The following GANC variants were observed in gnomAD, a reference collection of about 807,000 sequenced individuals.
GANC encodes the protein neutral alpha-glucosidase C.
GANC carries 117 observed loss-of-function variants against 124.2 expected under a neutral mutation model. The ratio of observed to expected loss-of-function variants is 0.94; its 90% CI spans 0.81 to 1.10. The LOEUF (loss-of-function observed/expected upper bound fraction) is 1.10. Ranked by LOEUF, GANC falls within the 50% of genes least tolerant of loss-of-function variation. The pLI is 0.00. For synonymous variants in GANC, 377 were observed against 376.8 expected (o/e 1.00, Z -0.01); for missense variants, 1,140 against 1,095.0 (o/e 1.04, Z -0.58).
At chr15:42,334,133 C>T (rs2052266651) in intron 15 of GANC, among the ~76,000 whole-genome samples, 1 of 150,662 alleles carries the variant, frequency 6.6e-6, no homozygotes, top group Non-Finnish European at 1.5e-5. Flanking sequence ...AAAAATACAA[C>T]CTAACTTCTG....
At chr15:42,293,528 C>CTTTTTTTTTTTTTTTTTTT (rs1566951280) in intron 5 of GANC, among the ~76,000 whole-genome samples, 12 of 151,922 alleles carry the variant, frequency 7.9e-5, no homozygotes, top group African/African-American at 2.7e-4. Context: ...CAACTCATTT[C>CTTTTTTTTTTTTTTTTTTT]TGTTTTAAAA....
chr15:42,343,827 G>A (rs564028327), intron 19 of GANC, among the ~76,000 whole-genome samples: 1 of 152,274 alleles, frequency 6.6e-6, no homozygotes, highest in African/African-American at 2.4e-5. Flanking sequence ...CAGGAGAAGA[G>A]CTGGAGCAAA....
At chr15:42,306,850 A>G (rs1291369067) in intron 7 of GANC, among the ~76,000 whole-genome samples, 1 of 152,232 alleles carries the variant, frequency 6.6e-6, no homozygotes, top group Non-Finnish European at 1.5e-5. Flanking sequence ...GGTCTCATAC[A>G]GGGTCATGGG....
intron 15 of GANC, among the ~76,000 whole-genome samples, chr15:42,338,061 CT>C (rs1477053358): frequency 1.3e-5 from 2 of 148,712 alleles, no homozygotes; most frequent in African/African-American, 5.0e-5. Flanking sequence ...ATGACTCCAT[CT>C]AAAAAAAAAA....
In GANC at chr15:42,352,399, G is replaced by A. The variant is rs144782599; in HGVS notation, c.*260G>A. The A allele has an allele frequency of 1.4e-4, 165 of 1,215,264 alleles. No individual in the cohort carries two copies. The East Asian group carries it at 4.4e-3, about 32-fold the overall frequency. 75.3% of individuals were successfully genotyped at this position (1,215,264 alleles called of 1,614,324 possible). On this transcript the variant is annotated 3_prime_UTR_variant, in exon 24 of 24. Transcript: ENST00000318010. ...TACATAGCCCTGAGACATTTATAGC[G>A]TTCAGGAGTCTTCTATTGCTTCCAT...
In GANC at chr15:42,292,834, G is replaced by C. The variant is rs970823367; in HGVS notation, c.429G>C (p.Leu143Phe). The change falls in exon 5 of 24, where the codon TTG becomes TTC. Residue 143 changes from leucine to phenylalanine, a missense_variant. Leu to Phe is a conservative substitution (Grantham distance 22). Transcript: ENST00000318010. Reference protein sequence around the residue: ...HITANPFKVDLVSEEEVVISI... With the variant: ...HITANPFKVDFVSEEEVVISI... Reference sequence around the variant, plus strand: ...CAGCAAACCCATTCAAGGTAGACTTGGTGTCTGAAGAAGAGGTTGTGATTA... The same window carrying C: ...CAGCAAACCCATTCAAGGTAGACTTCGTGTCTGAAGAAGAGGTTGTGATTA... 6.2e-7 allele frequency: 1 copy of C among 1,614,014 alleles called. No individual in the cohort carries two copies. Among genetic ancestry groups the C allele is most frequent in the Non-Finnish European group, 8.5e-7 (1 of 1,179,928 alleles).
chr15:42,281,960 A>T (rs1449610066), intron 3 of GANC, among the ~76,000 whole-genome samples: 1 of 152,008 alleles, frequency 6.6e-6, no homozygotes, highest in Non-Finnish European at 1.5e-5. Flanking sequence ...GCCCAGGCAG[A>T]TGGATCTCCT....
At chr15:42,327,843 A>G (rs543822341) in intron 13 of GANC, among the ~76,000 whole-genome samples, 1 of 152,306 alleles carries the variant, frequency 6.6e-6, no homozygotes, top group South Asian at 2.1e-4. Flanking sequence ...AAATAATCTG[A>G]TAAGAACCAC....
At chr15:42,337,654 A>G (rs1256381611) in intron 15 of GANC, among the ~76,000 whole-genome samples, 1 of 152,198 alleles carries the variant, frequency 6.6e-6, no homozygotes, top group Non-Finnish European at 1.5e-5. Context: ...AATCTGTACA[A>G]CAAACTCCTG....
At chr15:42,274,550 C>G in intron 1 of GANC, 40 bp downstream of exon 1, 3 of 1,576,688 alleles carry the variant, frequency 1.9e-6, no homozygotes, top group Non-Finnish European at 2.6e-6. Flanking sequence ...ACCCCAGGGT[C>G]CCTAGAAACA....
At position 42,349,440 on chromosome 15, in the gene GANC, C is replaced by T. The variant is rs1322978948; in HGVS notation, c.2476C>T (p.Gln826Ter). Residue 826 changes from glutamine to a stop codon, truncating the protein, a stop_gained, in exon 22 of 24, where the codon CAG (glutamine) becomes TAG (stop). Coordinates refer to ENST00000318010, the MANE Select transcript of GANC (RefSeq NM_198141.3). LOFTEE classifies it high-confidence loss of function. ...TGGCCATTCATTCCAATACCTCCAC[C>T]AGAAGCAATTTTTGCACAGGAAGTT... ...DDGHSFQYLH[Q>*]KQFLHRKFSF... 6.2e-7 allele frequency: 1 copy of T among 1,613,848 alleles called. No individual in the cohort carries two copies. Among genetic ancestry groups the T allele is most frequent in the Non-Finnish European group, 8.5e-7 (1 of 1,179,816 alleles).
chr15:42,288,430 A>T (rs2051812377), intron 4 of GANC, among the ~76,000 whole-genome samples: 1 of 152,114 alleles, frequency 6.6e-6, no homozygotes, highest in African/African-American at 2.4e-5. Flanking sequence ...ATTTCAACTC[A>T]GTTTTGCCGG....
rs113654001 is a variant in GANC at position 42,275,547 on chromosome 15, C to G, written c.30-801C>G. On this transcript the variant is annotated intron_variant, in intron 1 of 23. Transcript: ENST00000318010. ...ATCATGGACATGCTGACTACAGATGCATTCGGCCACACTAGTGCATGAAAG... is the reference window on the plus strand; with the variant it reads ...ATCATGGACATGCTGACTACAGATGGATTCGGCCACACTAGTGCATGAAAG... Among the ~76,000 whole-genome samples the G allele has an allele frequency of 8.8e-4, 132 of 149,872 alleles. 1 individual carries two copies. Among genetic ancestry groups the G allele is most frequent in the African/African-American group, 2.8e-3 (116 of 40,788 alleles).
intron 1 of GANC, among the ~76,000 whole-genome samples, chr15:42,275,657 A>G (rs2051663847): frequency 6.6e-6 from 1 of 152,168 alleles, no homozygotes; most frequent in African/African-American, 2.4e-5. Context: ...TCAAACTTCA[A>G]TATACATATA....
At chr15:42,299,236 C>T (rs1046443720) in intron 6 of GANC, among the ~76,000 whole-genome samples, 2 of 152,164 alleles carry the variant, frequency 1.3e-5, no homozygotes, top group African/African-American at 4.8e-5. Flanking sequence ...GAGATATGTT[C>T]CATCAATATG....
intron 6 of GANC, among the ~76,000 whole-genome samples, chr15:42,301,481 G>A (rs1001780356): frequency 3.3e-5 from 5 of 151,308 alleles, no homozygotes; most frequent in Admixed American, 6.6e-5. Context: ...CCCCAGTGGC[G>A]CCTGGAACAC....
chr15:42,353,662 A>G lies in GANC; in HGVS notation c.*1523A>G. 1 of 985,462 alleles carries G rather than the reference A, an allele frequency of 1.0e-6. No individual in the cohort carries two copies. The highest frequency in any genetic ancestry group is 1.2e-6 in the Non-Finnish European group (1 of 829,812). 61.0% of individuals were successfully genotyped at this position (985,462 alleles called of 1,614,324 possible). A position where few individuals can be genotyped will look rare whatever the true frequency, so the allele number is the denominator to read the frequency against. On this transcript the variant is annotated 3_prime_UTR_variant, in exon 24 of 24. Coordinates refer to ENST00000318010, the MANE Select transcript of GANC (RefSeq NM_198141.3). ...TAATTGATTAAAAAATTACGATTGA[A>G]TGTATTTCCATCTGATTTGCTTTTC...
intron 3 of GANC, 29 bp downstream of exon 3, chr15:42,278,619 T>A: frequency 6.8e-7 from 1 of 1,480,502 alleles, no homozygotes. Context: ...CTACAGAGAA[T>A]AATTTGTTTC....
chr15:42,328,754 C>T (rs146770184), intron 13 of GANC, among the ~76,000 whole-genome samples: 1,668 of 152,256 alleles, frequency 0.011, 27 homozygotes, highest in African/African-American at 0.037. Flanking sequence ...TTCTACAATA[C>T]CATGTTAGCT....
Sources: allele counts gnomAD v4.1 joint callset (sites outside exome capture counted in the v4.1 genomes callset), GRCh38; gene constraint gnomAD v4.1.1; transcripts MANE v1.5; gene names NCBI Gene and HGNC (gene_info 2026-07-23, HGNC 2026-07-21).